PRR13: variants seen among roughly 807,000 people sequenced by gnomAD.
PRR13 encodes the protein proline rich 13, also known as proline-rich protein 13.
Under a neutral mutation model 11.5 loss-of-function variants are expected in PRR13, and 7 were observed. That is an observed-to-expected ratio of 0.61 (90% CI 0.34 to 1.14). The LOEUF (loss-of-function observed/expected upper bound fraction) is 1.14, where lower values mean the gene tolerates loss of function less well. Among genes scored for constraint, PRR13 ranks in the 50% most tolerant of loss-of-function variants. The probability of loss-of-function intolerance (pLI) is 0.03; values close to 1 mark genes in which losing one functional copy is unlikely to be tolerated. For synonymous variants in PRR13, 53 were observed against 67.8 expected (o/e 0.78, Z 1.07); for missense variants, 155 against 194.4 (o/e 0.80, Z 1.21).
chr12:53,442,943 G>A (rs928210392), intron 2 of PRR13: 7 of 450,868 alleles, frequency 1.6e-5, no homozygotes, highest in African/African-American at 8.2e-5. Context: ...TGCAACCTCC[G>A]CCTCCTGGGT....
chr12:53,446,139 G>C lies in PRR13; in HGVS notation c.*80G>C. On this transcript the variant is annotated 3_prime_UTR_variant, in exon 4 of 4. Coordinates refer to ENST00000429243, the MANE Select transcript of PRR13 (RefSeq NM_018457.4). Reference sequence around the variant, plus strand: ...CTTCAGATGCCATGTTGTACTGGGGGAATGTAGCCCTTGTGCTCCCCACCC... The same window carrying C: ...CTTCAGATGCCATGTTGTACTGGGGCAATGTAGCCCTTGTGCTCCCCACCC... 11 of 1,604,074 alleles carry C rather than the reference G, an allele frequency of 6.9e-6. No homozygotes were observed. Among genetic ancestry groups the C allele is most frequent in the Non-Finnish European group, 9.3e-6 (11 of 1,178,028 alleles).
At chr12:53,442,028 T>G in intron 1 of PRR13, 1 of 587,504 alleles carries the variant, frequency 1.7e-6, no homozygotes, top group Non-Finnish European at 3.0e-6. Flanking sequence ...GAAAGTTGTT[T>G]GAGATCCTTT....
At chr12:53,443,880 C>G in intron 3 of PRR13, 107 bp downstream of exon 3, 1 of 1,279,202 alleles carries the variant, frequency 7.8e-7, no homozygotes, top group Non-Finnish European at 1.1e-6. Flanking sequence ...TGAGGGATGA[C>G]AATTGTGTCG....
chr12:53,442,615 C>T (rs1328704210), intron 1 of PRR13, 80 bp from the exon 2 acceptor site: 2 of 1,224,408 alleles, frequency 1.6e-6, no homozygotes, highest in Admixed American at 1.7e-5. Context: ...GGGTGGAAGA[C>T]GTTAGGGCTG....
At chr12:53,444,550 C>T (rs918695148) in intron 3 of PRR13, among the ~76,000 whole-genome samples, 2 of 152,164 alleles carry the variant, frequency 1.3e-5, no homozygotes, top group African/African-American at 2.4e-5. Flanking sequence ...AAGATGGTCT[C>T]GATCTCCTGA....
intron 3 of PRR13, among the ~76,000 whole-genome samples, chr12:53,444,398 C>T (rs1254961515): frequency 4.0e-5 from 6 of 150,462 alleles, no homozygotes; most frequent in Admixed American, 2.0e-4. Flanking sequence ...GGCACAATCT[C>T]GGCTCACTGC....
intron 1 of PRR13, chr12:53,442,329 C>T (rs988178578): frequency 5.4e-5 from 14 of 259,662 alleles, no homozygotes; most frequent in South Asian, 3.1e-4. Context: ...ACTGCAACCT[C>T]TGCCTCCCGG....
At chr12:53,442,941 C>T (rs1940323859) in intron 2 of PRR13, 1 of 456,840 alleles carries the variant, frequency 2.2e-6, no homozygotes, top group Non-Finnish European at 3.8e-6. Flanking sequence ...ACTGCAACCT[C>T]CGCCTCCTGG....
intron 1 of PRR13, 178 bp downstream of exon 1, chr12:53,441,970 A>T (rs1940300786): frequency 1.8e-5 from 11 of 615,588 alleles, no homozygotes; most frequent in Non-Finnish European, 3.2e-5. Flanking sequence ...CTTCGCCTCG[A>T]GGCGTATCCT....
chr12:53,443,285 T>C lies in PRR13; in HGVS notation c.20-106T>C, dbSNP rs542686423. The C allele has an allele frequency of 3.4e-5, 41 of 1,190,764 alleles. 1 individual carries two copies. In the East Asian group the frequency reaches 1.1e-3, roughly 32 times the overall value. The allele number at this position is 1,190,764 out of a possible 1,614,324, so 73.8% of individuals were successfully genotyped here. On this transcript the variant is annotated intron_variant, in intron 2 of 3. Transcript: ENST00000429243. ...ACCCTCCATTCTTCTTTGTCATCTT[T>C]CCGTTTCCCTTTAAGTATTGAGTGA...
In PRR13 at chr12:53,446,199, C is replaced by CCCTG. The variant is rs1264563886; in HGVS notation, c.*141_*144dup. On this transcript the variant is annotated 3_prime_UTR_variant, in exon 4 of 4. Transcript: ENST00000429243. ...ACCTGAGCCTCACCCTGCTGTTGAGCCCTGAGTGGCTAGGGGAAATGGGAA... is the reference window on the plus strand; with the variant it reads ...ACCTGAGCCTCACCCTGCTGTTGAGCCCTGCCTGAGTGGCTAGGGGAAATGGGAA... 3 of 1,464,810 alleles carry CCCTG rather than the reference C, an allele frequency of 2.0e-6. No homozygotes were observed. In the African/African-American group the frequency reaches 4.2e-5, roughly 20 times the overall value. 90.7% of individuals were successfully genotyped at this position (1,464,810 alleles called of 1,614,324 possible).
intron 3 of PRR13, 57 bp from the exon 4 acceptor site, chr12:53,445,958 G>GA (rs1183724892): frequency 9.3e-6 from 15 of 1,613,526 alleles, no homozygotes; most frequent in Non-Finnish European, 1.2e-5. Flanking sequence ...ACGGAGTGAT[G>GA]AAAGGTCATT....
intron 1 of PRR13, 128 bp downstream of exon 1, chr12:53,441,920 A>G (rs1940299875): frequency 1.2e-5 from 8 of 669,154 alleles, no homozygotes; most frequent in Admixed American, 7.3e-5. Flanking sequence ...CTGTGTCCAC[A>G]TATTTAAGTA....
intron 3 of PRR13, among the ~76,000 whole-genome samples, chr12:53,444,452 C>A (rs936815603): frequency 5.9e-5 from 9 of 151,954 alleles, no homozygotes; most frequent in Non-Finnish European, 1.3e-4. Context: ...GCCTCAGCCT[C>A]CCGAGTAGCT....
chr12:53,441,855 C>A, intron 1 of PRR13, 63 bp downstream of exon 1: 1 of 701,768 alleles, frequency 1.4e-6, no homozygotes, highest in Non-Finnish European at 2.6e-6. Flanking sequence ...AGAGTCTCTT[C>A]GCAGCTTGGG....
Position 53,444,329 on chromosome 12 carries a change from GT to G in PRR13, c.402+574del, listed in dbSNP as rs959231725. ...TCTAACAAAGCCTAGGACTAAGGAGGTTTTTTTTTTTTTTTTTTGAGACGGA... is the reference window on the plus strand; with the variant it reads ...TCTAACAAAGCCTAGGACTAAGGAGGTTTTTTTTTTTTTTTTTGAGACGGA... On this transcript the variant is annotated intron_variant, in intron 3 of 3. Coordinates refer to ENST00000429243, the MANE Select transcript of PRR13 (RefSeq NM_018457.4). 2.8e-3 allele frequency among the ~76,000 whole-genome samples: 372 copies of G among 131,324 alleles called. 1 individual carries two copies. Among genetic ancestry groups the G allele is most frequent in the South Asian group, 5.4e-3 (22 of 4,108 alleles). The allele number at this position is 131,324 out of a possible 152,430, so 86.2% of individuals were successfully genotyped here.
chr12:53,444,586 C>T (rs1276037695), intron 3 of PRR13, among the ~76,000 whole-genome samples: 1 of 152,234 alleles, frequency 6.6e-6, no homozygotes, highest in African/African-American at 2.4e-5. Context: ...GCCTTGGCCT[C>T]CCAAAGTGCT....
At chr12:53,444,040 C>T in intron 3 of PRR13, 2 of 507,632 alleles carry the variant, frequency 3.9e-6, no homozygotes, top group East Asian at 6.0e-5. Flanking sequence ...TCTTTTCTGC[C>T]CTACTCTCCC....
intron 3 of PRR13, among the ~76,000 whole-genome samples, chr12:53,445,774 T>C (rs2136992472): frequency 6.6e-6 from 1 of 152,350 alleles, no homozygotes; most frequent in South Asian, 2.1e-4. Flanking sequence ...AAAGGCAATA[T>C]GTTAAATTTT....
Sources: allele counts gnomAD v4.1 joint callset (sites outside exome capture counted in the v4.1 genomes callset), GRCh38; gene constraint gnomAD v4.1.1; transcripts MANE v1.5; gene names NCBI Gene and HGNC (gene_info 2026-07-23, HGNC 2026-07-21).